The following BMP6 variants were observed in gnomAD, a reference collection of about 807,000 sequenced individuals.
BMP6 encodes VG-1-R.
In BMP6, 17 loss-of-function variants were observed where a neutral mutation model predicts 54.1. The ratio of observed to expected loss-of-function variants is 0.31; its 90% CI spans 0.22 to 0.47. The LOEUF is 0.47. Among genes scored for constraint, BMP6 ranks in the 20% least tolerant of loss-of-function variants. BMP6 has a pLI of 1.00. For missense variants in BMP6, 720 were observed against 690.4 expected, an observed-to-expected ratio of 1.04 and a Z score of -0.48; for synonymous variants, 328 against 291.2, an observed-to-expected ratio of 1.13 and a Z score of -1.28.
At chr6:7,845,466 G>C (rs547479031) in intron 2 of BMP6, 134 bp downstream of exon 2, 2 of 732,768 alleles carry the variant, frequency 2.7e-6, no homozygotes, top group Non-Finnish European at 4.1e-6. Flanking sequence ...GATGAGGTGG[G>C]TGTTGTAAAT....
chr6:7,830,716 G>A (rs141718993), intron 1 of BMP6, among the ~76,000 whole-genome samples: 13 of 152,266 alleles, frequency 8.5e-5, no homozygotes, highest in African/African-American at 1.4e-4. Flanking sequence ...CTTATATGGC[G>A]GCAATCAAGA....
chr6:7,738,685 T>C (rs1761998278), intron 1 of BMP6, among the ~76,000 whole-genome samples: 1 of 152,210 alleles, frequency 6.6e-6, no homozygotes, highest in Non-Finnish European at 1.5e-5. Flanking sequence ...GACGATTCTT[T>C]TTAAATTTTT....
chr6:7,853,825 A>G (rs1381370677), intron 2 of BMP6, among the ~76,000 whole-genome samples: 1 of 151,886 alleles, frequency 6.6e-6, no homozygotes, highest in Non-Finnish European at 1.5e-5. Flanking sequence ...CAAGTGACCC[A>G]TGGTTCAGGT....
At chr6:7,787,502 C>G (rs1168345489) in intron 1 of BMP6, among the ~76,000 whole-genome samples, 1 of 152,116 alleles carries the variant, frequency 6.6e-6, no homozygotes, top group African/African-American at 2.4e-5. Flanking sequence ...TGAATTGTTG[C>G]AGGCTGCAAA....
intron 1 of BMP6, among the ~76,000 whole-genome samples, chr6:7,826,474 T>TA (rs1194641700): frequency 3.9e-5 from 6 of 152,164 alleles, no homozygotes; most frequent in Non-Finnish European, 8.8e-5. Flanking sequence ...TTATGTTACT[T>TA]ACGACTTATG....
intron 4 of BMP6, among the ~76,000 whole-genome samples, chr6:7,878,851 A>C (rs538212811): frequency 6.6e-6 from 1 of 152,148 alleles, no homozygotes; most frequent in East Asian, 1.9e-4. Flanking sequence ...CATTCAAGTC[A>C]CCCTGCTCCC....
chr6:7,728,887 G>A lies in BMP6; in HGVS notation c.664+1268G>A, dbSNP rs145712545. The stretch of plus-strand genomic sequence containing the variant: ...GAATGATTCCCGCGTAGACTATCTG[G>A]GTGATTTCTTTACCAGCCTATCTAT... On this transcript the variant is annotated intron_variant, in intron 1 of 6. Transcript: ENST00000283147. Among the ~76,000 whole-genome samples the A allele has an allele frequency of 1.1e-3, 160 of 152,278 alleles. 1 individual carries two copies. Among genetic ancestry groups the A allele is most frequent in the African/African-American group, 3.8e-3 (157 of 41,556 alleles).
chr6:7,838,446 C>A (rs1235690648), intron 1 of BMP6, among the ~76,000 whole-genome samples: 1 of 152,166 alleles, frequency 6.6e-6, no homozygotes, highest in Non-Finnish European at 1.5e-5. Flanking sequence ...TACGAACTCA[C>A]ACATAAAAAT....
At chr6:7,784,763 A>T (rs189456495) in intron 1 of BMP6, among the ~76,000 whole-genome samples, 87 of 152,300 alleles carry the variant, frequency 5.7e-4, no homozygotes, top group African/African-American at 2.1e-3. Context: ...TCTCAGTAGG[A>T]TGCTAACCTA....
At chr6:7,837,656 G>T (rs1192284703) in intron 1 of BMP6, among the ~76,000 whole-genome samples, 1 of 152,030 alleles carries the variant, frequency 6.6e-6, no homozygotes, top group Admixed American at 6.5e-5. Flanking sequence ...ACTGAGGGGG[G>T]CTTAGGCATA....
intron 1 of BMP6, among the ~76,000 whole-genome samples, chr6:7,831,033 A>G (rs1758785797): frequency 6.6e-6 from 1 of 152,248 alleles, no homozygotes. Flanking sequence ...ACAATAGCCA[A>G]AAGGTGGAAA....
chr6:7,866,498 AGGTC>A (rs1173357309), intron 4 of BMP6, among the ~76,000 whole-genome samples: 1 of 152,224 alleles, frequency 6.6e-6, no homozygotes, highest in African/African-American at 2.4e-5. Flanking sequence ...ATCCATGACA[AGGTC>A]CATGAACAAA....
chr6:7,790,668 G>A (rs936318629), intron 1 of BMP6, among the ~76,000 whole-genome samples: 3 of 152,098 alleles, frequency 2.0e-5, no homozygotes, highest in African/African-American at 7.2e-5. Flanking sequence ...ATCAGGGACA[G>A]CAGGTTGATG....
chr6:7,856,786 T>C (rs1036141828), intron 2 of BMP6, among the ~76,000 whole-genome samples: 229 of 150,762 alleles, frequency 1.5e-3, no homozygotes, highest in African/African-American at 4.5e-3. Flanking sequence ...TTAGTAGAGA[T>C]GGGGTTTCAC....
Position 7,727,465 on chromosome 6 carries a change from G to C in BMP6, c.510G>C (p.Gln170His). 2 of 1,596,648 alleles carry C rather than the reference G, an allele frequency of 1.3e-6. No individual in the cohort carries two copies. Among genetic ancestry groups the C allele is most frequent in the Non-Finnish European group, 1.7e-6 (2 of 1,175,302 alleles). Residue 170 changes from glutamine (Q) to histidine (H), a missense_variant, in exon 1 of 7, where the codon CAG (glutamine) becomes CAC (histidine). Gln to His is a conservative substitution (Grantham distance 24, BLOSUM62 0). This residue lies in a region of BMP6 where 650 missense variants were observed against 556.3 expected (regional missense o/e 1.17). Coordinates refer to ENST00000283147, the MANE Select transcript of BMP6 (RefSeq NM_001718.6). The stretch of plus-strand genomic sequence containing the variant: ...CCCACGAAGCAGCCAGCTCGTCCCA[G>C]CGTCGGCAGCCGCCCCCGGGCGCCG... ...SWPHEAASSS[Q>H]RRQPPPGAAH...
In BMP6 at chr6:7,764,329, C is replaced by T. The variant is rs563163461; in HGVS notation, c.664+36710C>T. Among the ~76,000 whole-genome samples the T allele has an allele frequency of 1.9e-3, 289 of 152,242 alleles. 2 individuals carry two copies. Among genetic ancestry groups the T allele is most frequent in the African/African-American group, 6.7e-3 (279 of 41,552 alleles). ...TGGAAGGGAACTTGTATCTTTTTCT[C>T]GACTAATTTTAAAATAATCTGCAAC... On this transcript the variant is annotated intron_variant, in intron 1 of 6. Coordinates refer to ENST00000283147, the MANE Select transcript of BMP6 (RefSeq NM_001718.6).
intron 4 of BMP6, among the ~76,000 whole-genome samples, chr6:7,875,885 C>T (rs933799843): frequency 2.0e-5 from 3 of 152,186 alleles, no homozygotes; most frequent in African/African-American, 4.8e-5. Flanking sequence ...CTTTGGATCC[C>T]TCCAATGTGG....
chr6:7,862,581 C>A, intron 4 of BMP6, 83 bp downstream of exon 4: 1 of 1,540,176 alleles, frequency 6.5e-7, no homozygotes, highest in South Asian at 1.1e-5. Context: ...TCTCAGATGT[C>A]GGGCAGCTTC....
At chr6:7,786,241 A>G (rs1758017595) in intron 1 of BMP6, among the ~76,000 whole-genome samples, 1 of 152,090 alleles carries the variant, frequency 6.6e-6, no homozygotes, top group African/African-American at 2.4e-5. Flanking sequence ...TGGACGTCCC[A>G]CCATGATGGC....
Sources: gnomAD v4.1 joint callset for allele counts (sites outside exome capture counted in the v4.1 genomes callset) on GRCh38, gnomAD v4.1.1 for gene constraint, gnomAD v4.1.1 regional missense constraint, MANE v1.5 for transcripts, NCBI Gene and HGNC (gene_info 2026-07-23, HGNC 2026-07-21) for gene names.